The following TAPT1 variants were observed in gnomAD, a reference collection of about 807,000 sequenced individuals.
The protein encoded by TAPT1 is transmembrane anterior posterior transformation protein 1 homolog.
Under a neutral mutation model 65.6 loss-of-function variants are expected in TAPT1, and 28 were observed. That is an observed-to-expected ratio of 0.43 (90% CI 0.32 to 0.59). The LOEUF is 0.59. Among genes scored for constraint, TAPT1 ranks in the 20% least tolerant of loss-of-function variants. The probability of loss-of-function intolerance (pLI) is 0.09; values close to 1 mark genes in which losing one functional copy is unlikely to be tolerated. For synonymous variants in TAPT1, 278 were observed against 245.2 expected (o/e 1.13, Z -1.25); for missense variants, 563 against 679.9 (o/e 0.83, Z 1.91).
At chr4:16,171,389 G>A (rs137901335) in intron 11 of TAPT1, among the ~76,000 whole-genome samples, 45 of 152,188 alleles carry the variant, frequency 3.0e-4, no homozygotes, top group African/African-American at 1.1e-3. Context: ...ATTATCCTTG[G>A]AAGTCTGCTG....
intron 1 of TAPT1, among the ~76,000 whole-genome samples, chr4:16,221,529 C>T (rs1468303341): frequency 2.0e-5 from 3 of 151,958 alleles, no homozygotes; most frequent in Non-Finnish European, 4.4e-5. Flanking sequence ...TTTTCTTCAC[C>T]CCTAAAAGAA....
intron 3 of TAPT1, among the ~76,000 whole-genome samples, chr4:16,194,897 ATTTTTTGTAT>A (rs1749608782): frequency 2.2e-5 from 3 of 136,214 alleles, no homozygotes; most frequent in Non-Finnish European, 4.6e-5. Flanking sequence ...TCTTCTTCTT[ATTTTTTGTAT>A]TTTTAGTACA....
At chr4:16,173,510 C>A (rs1156765836) in intron 11 of TAPT1, among the ~76,000 whole-genome samples, 4 of 151,884 alleles carry the variant, frequency 2.6e-5, no homozygotes, top group Non-Finnish European at 5.9e-5. Flanking sequence ...GCTCCACCTC[C>A]CAGGTTCACG....
chr4:16,178,740 T>G (rs1488253959), intron 8 of TAPT1, among the ~76,000 whole-genome samples: 1 of 152,218 alleles, frequency 6.6e-6, no homozygotes, highest in South Asian at 2.1e-4. Flanking sequence ...TCTTGACAAT[T>G]TCCTGTCAGC....
At chr4:16,171,176 C>T (rs145205000) in intron 11 of TAPT1, among the ~76,000 whole-genome samples, 1 of 152,196 alleles carries the variant, frequency 6.6e-6, no homozygotes, top group East Asian at 1.9e-4. Flanking sequence ...GCTTTTTTTG[C>T]CCTCCGTCCT....
chr4:16,180,393 T>TA (rs1448970498), intron 7 of TAPT1, among the ~76,000 whole-genome samples: 1 of 152,184 alleles, frequency 6.6e-6, no homozygotes, highest in Non-Finnish European at 1.5e-5. Flanking sequence ...TGTCTGCAGT[T>TA]AAGAGTGGCA....
rs551810790 is a variant in TAPT1 at position 16,168,180 on chromosome 4, C to G, written c.1314-1387G>C. On this transcript the variant is annotated intron_variant, in intron 12 of 13. Transcript: ENST00000405303. ...CCAGGCTGTGGTGCAGTGGCATGAT[C>G]ATCGCTCACTGCAGCCTTGAACTCC... Among the ~76,000 whole-genome samples, 4 of 151,956 alleles carry G rather than the reference C, an allele frequency of 2.6e-5. No homozygotes were observed. In the East Asian group the frequency reaches 7.7e-4, roughly 29 times the overall value.
chr4:16,207,157 C>G (rs1324442850), intron 2 of TAPT1, among the ~76,000 whole-genome samples: 3 of 152,204 alleles, frequency 2.0e-5, no homozygotes, highest in South Asian at 4.1e-4. Flanking sequence ...CCAGCAAGAG[C>G]TGCATTATGA....
chr4:16,218,162 G>T (rs553332558), intron 1 of TAPT1, among the ~76,000 whole-genome samples: 89 of 152,344 alleles, frequency 5.8e-4, no homozygotes, highest in Admixed American at 7.8e-4. Flanking sequence ...CATCAATTTT[G>T]GGAGGCCAAG....
chr4:16,186,545 C>T lies in TAPT1; in HGVS notation c.906G>A (p.Met302Ile). 1 of 1,531,922 alleles carries T rather than the reference C, an allele frequency of 6.5e-7. No homozygotes were observed. Among genetic ancestry groups the T allele is most frequent in the Non-Finnish European group, 8.9e-7 (1 of 1,128,742 alleles). The allele number at this position is 1,531,922 out of a possible 1,614,324, so 94.9% of individuals were successfully genotyped here. A position where few individuals can be genotyped will look rare whatever the true frequency, so the allele number is the denominator to read the frequency against. ...KKFEKNNLFQ[M>I]SNSDIKERFT... ...TCTAATTGTACATACCGCTATTTGA[C>T]ATTTGAAAGAGATTGTTCTTTTCAA... Residue 302 changes from methionine to isoleucine, a missense_variant, in exon 7 of 14, where the codon ATG becomes ATA. By Grantham distance (10) the Met-to-Ile change is conservative (BLOSUM62 1). This residue lies in a region of TAPT1 where 217 missense variants were observed against 317.5 expected (regional missense o/e 0.68). Transcript: ENST00000405303.
rs10516298 is a variant in TAPT1, at chr4:16,162,607, T to C, written c.*701A>G. On this transcript the variant is annotated 3_prime_UTR_variant, in exon 14 of 14. Transcript: ENST00000405303. ...CCAATTAAATGACATACAGCTCACA[T>C]TTTGCTTTAAAGAGTAAACTGAAAA... 0.17 allele frequency: 26,528 copies of C among 155,086 alleles called. 2,716 individuals are homozygous for C. The highest frequency in any genetic ancestry group is 0.3 in the East Asian group (1,593 of 5,238). 9.6% of individuals were successfully genotyped at this position (155,086 alleles called of 1,614,324 possible). A position where few individuals can be genotyped will look rare whatever the true frequency, so the allele number is the denominator to read the frequency against.
rs1311570620 is a variant in TAPT1 at position 16,179,926 on chromosome 4, C to G, written c.917-269G>C. The stretch of plus-strand genomic sequence containing the variant: ...TTTTCTATAAACTTCAAAAAGTATT[C>G]AAACCATCAAACTGCTCAGATGAGG... On this transcript the variant is annotated intron_variant, in intron 7 of 13. Coordinates refer to ENST00000405303, the MANE Select transcript of TAPT1 (RefSeq NM_153365.3). Among the ~76,000 whole-genome samples the G allele has an allele frequency of 3.9e-5, 6 of 152,076 alleles. No homozygotes were observed. In the East Asian group the frequency reaches 1.2e-3, roughly 29 times the overall value.
chr4:16,195,104 G>C (rs1749623065), intron 3 of TAPT1, among the ~76,000 whole-genome samples: 1 of 152,154 alleles, frequency 6.6e-6, no homozygotes, highest in Admixed American at 6.5e-5. Context: ...TTGTTTCTAA[G>C]GTGGCATCTT....
intron 13 of TAPT1, among the ~76,000 whole-genome samples, chr4:16,164,669 G>A (rs759771246): frequency 1.3e-5 from 2 of 152,106 alleles, no homozygotes; most frequent in African/African-American, 4.8e-5. Context: ...GGGCTCAAGC[G>A]CTGCTTCTGC....
chr4:16,168,409 C>T (rs1186012139), intron 12 of TAPT1, among the ~76,000 whole-genome samples: 1 of 152,188 alleles, frequency 6.6e-6, no homozygotes, highest in African/African-American at 2.4e-5. Context: ...ATGCCATCTT[C>T]TGCTCAGCTC....
At chr4:16,174,103 A>G (rs1472638561) in intron 11 of TAPT1, 101 bp downstream of exon 11, 1 of 1,010,978 alleles carries the variant, frequency 9.9e-7, no homozygotes, top group Non-Finnish European at 1.4e-6. Flanking sequence ...CTTAATTTTT[A>G]TATCAAGTCC....
At chr4:16,227,077 T>G (rs1227921953), upstream of TAPT1, 3 of 454,624 alleles carry the variant, frequency 6.6e-6, no homozygotes, top group African/African-American at 4.0e-5. Context: ...CCATCTCTTC[T>G]GCATATTTAT....
intron 11 of TAPT1, among the ~76,000 whole-genome samples, chr4:16,173,253 G>T (rs1748118201): frequency 6.6e-6 from 1 of 151,910 alleles, no homozygotes; most frequent in African/African-American, 2.4e-5. Context: ...ATGCCACTAA[G>T]CCAGGCTAAA....
Position 16,170,471 on chromosome 4 carries a change from T to C in TAPT1, c.1313+182A>G, listed in dbSNP as rs151157535. 1.2e-4 allele frequency among the ~76,000 whole-genome samples: 19 copies of C among 152,362 alleles called. No individual in the cohort carries two copies. The East Asian group carries it at 2.5e-3, about 20-fold the overall frequency. ...AAATCTAAAGTACTATTAATACTAC[T>C]ACCAAATAGCAGCGTAGTTAATCTA... On this transcript the variant is annotated intron_variant, in intron 12 of 13. Transcript: ENST00000405303.
Sources: gnomAD v4.1 joint callset for allele counts (sites outside exome capture counted in the v4.1 genomes callset) on GRCh38, gnomAD v4.1.1 for gene constraint, gnomAD v4.1.1 regional missense constraint, MANE v1.5 for transcripts, NCBI Gene and HGNC (gene_info 2026-07-23, HGNC 2026-07-21) for gene names.